Variants in ROBO2 observed in about 807,000 individuals in gnomAD.
ROBO2 encodes the protein roundabout homolog 2.
Under a neutral mutation model 160.8 loss-of-function variants are expected in ROBO2, and 53 were observed. The ratio of observed to expected loss-of-function variants is 0.33; its 90% CI spans 0.26 to 0.41. The LOEUF is 0.41. ROBO2 is among the 10% of genes least tolerant of loss of function. The pLI is 1.00. For missense variants in ROBO2, 1,577 were observed against 1,722.4 expected (o/e 0.92, Z 1.49); for synonymous variants, 664 against 611.7 (o/e 1.09, Z -1.26).
intron 2 of ROBO2, among the ~76,000 whole-genome samples, chr3:77,149,955 G>A (rs2077416403): frequency 6.6e-6 from 1 of 151,996 alleles, no homozygotes; most frequent in Non-Finnish European, 1.5e-5. Context: ...GAAAATTGAT[G>A]AAAAAAGAAA....
chr3:76,837,596 A>C (rs2067820255), intron 2 of ROBO2, among the ~76,000 whole-genome samples: 1 of 151,090 alleles, frequency 6.6e-6, no homozygotes, highest in Non-Finnish European at 1.5e-5. Flanking sequence ...TTGGATTCAC[A>C]ATGTGACATT....
intron 2 of ROBO2, among the ~76,000 whole-genome samples, chr3:76,882,413 T>G (rs1338285017): frequency 6.6e-6 from 1 of 152,160 alleles, no homozygotes; most frequent in Non-Finnish European, 1.5e-5. Context: ...ATTTAGCACA[T>G]TTGAAGGTGT....
intron 12 of ROBO2, 60 bp downstream of exon 13, chr3:77,565,180 C>T (rs1229004889): frequency 1.9e-5 from 30 of 1,571,536 alleles, no homozygotes; most frequent in African/African-American, 2.7e-5. Flanking sequence ...TATTTAAGAA[C>T]GAGGGGCTTG....
At chr3:76,389,872 A>G (rs369208327) in intron 2 of ROBO2, among the ~76,000 whole-genome samples, 1 of 152,134 alleles carries the variant, frequency 6.6e-6, no homozygotes, top group East Asian at 1.9e-4. Context: ...AGCTAGGAAA[A>G]TTATTTCTGT....
rs543991403 is a variant in ROBO2, at chr3:76,922,290, G to A, written c.110-175724G>A. Among the ~76,000 whole-genome samples, 4 of 152,288 alleles carry A rather than the reference G, an allele frequency of 2.6e-5. No individual in the cohort carries two copies. In the South Asian group the frequency reaches 8.3e-4, roughly 32 times the overall value. On this transcript the variant is annotated intron_variant, in intron 2 of 26. Transcript: ENST00000487694. ...CGCACCACTGCACTCCAGCCTGGGC[G>A]ACAGAGTGAAACTCCATCAATTATT... is the stretch of plus-strand genomic sequence containing the variant.
chr3:77,018,111 A>G (rs1368952331), intron 2 of ROBO2, among the ~76,000 whole-genome samples: 1 of 152,150 alleles, frequency 6.6e-6, no homozygotes, highest in African/African-American at 2.4e-5. Flanking sequence ...ATATATTTAT[A>G]TATACATTTG....
chr3:76,811,872 T>A (rs1038847021), intron 2 of ROBO2, among the ~76,000 whole-genome samples: 20 of 136,632 alleles, frequency 1.5e-4, no homozygotes, highest in African/African-American at 5.5e-4. Context: ...CTTCCTTCCT[T>A]CCTTCCTTCC....
intron 2 of ROBO2, among the ~76,000 whole-genome samples, chr3:76,321,611 G>A (rs2072534919): frequency 6.6e-6 from 1 of 152,148 alleles, no homozygotes; most frequent in Non-Finnish European, 1.5e-5. Context: ...AACCAGCCAG[G>A]CATTCAACCC....
intron 2 of ROBO2, among the ~76,000 whole-genome samples, chr3:76,016,465 A>G (rs1576494561): frequency 2.0e-5 from 3 of 152,014 alleles, no homozygotes; most frequent in Admixed American, 6.6e-5. Flanking sequence ...AAGAAAAACG[A>G]TTGTCATTCT....
intron 2 of ROBO2, among the ~76,000 whole-genome samples, chr3:77,445,714 A>G (rs1390309784): frequency 6.6e-6 from 1 of 151,698 alleles, no homozygotes; most frequent in Admixed American, 6.6e-5. Context: ...TGATAAAAAT[A>G]TGCATGTATT....
chr3:76,174,477 T>C (rs1048416279), intron 2 of ROBO2, among the ~76,000 whole-genome samples: 2 of 152,216 alleles, frequency 1.3e-5, no homozygotes, highest in African/African-American at 4.8e-5. Context: ...GGTATTCTTT[T>C]AGGGTTTTTA....
intron 2 of ROBO2, among the ~76,000 whole-genome samples, chr3:76,849,891 TAA>T (rs1404220727): frequency 6.6e-6 from 1 of 152,194 alleles, no homozygotes; most frequent in African/African-American, 2.4e-5. Context: ...CAAGAATATA[TAA>T]AGTTATTTCT....
At chr3:76,750,582 A>G (rs937693019) in intron 2 of ROBO2, among the ~76,000 whole-genome samples, 4 of 152,180 alleles carry the variant, frequency 2.6e-5, no homozygotes, top group African/African-American at 9.6e-5. Context: ...TTAAGCTGAT[A>G]AGCAACTTCA....
At chr3:75,982,829 C>A (rs1206723207) in intron 2 of ROBO2, among the ~76,000 whole-genome samples, 1 of 151,370 alleles carries the variant, frequency 6.6e-6, no homozygotes, top group Non-Finnish European at 1.5e-5. Flanking sequence ...CTATGCAAGT[C>A]CTCAGAATTT....
At chr3:76,048,420 T>G (rs1466333244) in intron 2 of ROBO2, among the ~76,000 whole-genome samples, 1 of 152,202 alleles carries the variant, frequency 6.6e-6, no homozygotes, top group East Asian at 1.9e-4. Context: ...CACTCAGGTT[T>G]ATGTTTTAGA....
intron 25 of ROBO2, 26 bp from the exon 28 acceptor site, chr3:77,646,028 A>G: frequency 6.4e-7 from 1 of 1,551,232 alleles, no homozygotes; most frequent in South Asian, 1.2e-5. Flanking sequence ...TTTATATTTT[A>G]TTTCTACTTT....
At chr3:77,317,272 G>C in intron 2 of ROBO2, 1 of 771,838 alleles carries the variant, frequency 1.3e-6, no homozygotes, top group Non-Finnish European at 2.3e-6. Context: ...CTTGATTTTA[G>C]CATTTTTTTT....
intron 2 of ROBO2, among the ~76,000 whole-genome samples, chr3:76,886,805 A>G (rs896907854): frequency 1.3e-5 from 2 of 152,136 alleles, no homozygotes; most frequent in Non-Finnish European, 2.9e-5. Flanking sequence ...AGGAAGGAGA[A>G]GACTAAGTCT....
chr3:77,413,472 A>T (rs1288544441), intron 2 of ROBO2, among the ~76,000 whole-genome samples: 1 of 152,190 alleles, frequency 6.6e-6, no homozygotes, highest in Non-Finnish European at 1.5e-5. Context: ...TAAGCGAGAC[A>T]GGAATCCATT....
Sources: gnomAD v4.1 joint callset for allele counts (sites outside exome capture counted in the v4.1 genomes callset) on GRCh38, gnomAD v4.1.1 for gene constraint, MANE v1.5 for transcripts, NCBI Gene and HGNC (gene_info 2026-07-23, HGNC 2026-07-21) for gene names.